CYRIB: variants seen among roughly 807,000 people sequenced by gnomAD.
CYRIB encodes CYFIP-related Rac1 interactor B.
Under a neutral mutation model 44.2 loss-of-function variants are expected in CYRIB, and 8 were observed. That is an observed-to-expected ratio of 0.18 (90% confidence interval 0.11 to 0.33). CYRIB has a LOEUF of 0.33. Among genes scored for constraint, CYRIB ranks in the 10% least tolerant of loss-of-function variants. CYRIB has a pLI of 1.00. For missense variants in CYRIB, 185 were observed against 382.8 expected, an observed-to-expected ratio of 0.48 and a Z score of 4.31; for synonymous variants, 131 against 127.2, an observed-to-expected ratio of 1.03 and a Z score of -0.20.
chr8:129,995,588 A>G (rs2096746725), intron 1 of CYRIB, among the ~76,000 whole-genome samples: 1 of 152,204 alleles, frequency 6.6e-6, no homozygotes, highest in African/African-American at 2.4e-5. Context: ...CCTGACCACA[A>G]GCTCAGTAAG....
chr8:129,854,806 G>A (rs773936013), intron 6 of CYRIB, among the ~76,000 whole-genome samples: 5 of 152,170 alleles, frequency 3.3e-5, no homozygotes, highest in African/African-American at 1.2e-4. Flanking sequence ...AAAAATCAAA[G>A]GACGTGCCCA....
chr8:129,930,379 A>ATATATATATATATT (rs971468534), intron 1 of CYRIB, among the ~76,000 whole-genome samples: 2 of 130,134 alleles, frequency 1.5e-5, no homozygotes, highest in African/African-American at 5.7e-5. Context: ...ATATATATAT[A>ATATATATATATATT]TTTTAATTAT....
chr8:129,882,467 A>G (rs1319039909), intron 2 of CYRIB, among the ~76,000 whole-genome samples: 1 of 152,250 alleles, frequency 6.6e-6, no homozygotes, highest in Non-Finnish European at 1.5e-5. Context: ...TTTTAAAAGT[A>G]ATAATGGCTC....
intron 2 of CYRIB, among the ~76,000 whole-genome samples, chr8:129,888,771 T>C (rs918527542): frequency 1.3e-5 from 2 of 152,160 alleles, no homozygotes; most frequent in African/African-American, 4.8e-5. Flanking sequence ...TTGGTATTCA[T>C]TAAGTATTTG....
intron 2 of CYRIB, among the ~76,000 whole-genome samples, chr8:129,959,290 C>A (rs574917990): frequency 1.4e-3 from 211 of 152,074 alleles, no homozygotes; most frequent in African/African-American, 4.9e-3. Flanking sequence ...CTACTTGCTT[C>A]CTAGGTGTGT....
At chr8:129,997,586 G>A (rs1030554119) in intron 1 of CYRIB, among the ~76,000 whole-genome samples, 1 of 152,192 alleles carries the variant, frequency 6.6e-6, no homozygotes, top group African/African-American at 2.4e-5. Flanking sequence ...GCTTCCAGGG[G>A]AAAATGTAAA....
intron 2 of CYRIB, among the ~76,000 whole-genome samples, chr8:129,960,182 A>G (rs2095156488): frequency 6.6e-6 from 1 of 152,244 alleles, no homozygotes; most frequent in Non-Finnish European, 1.5e-5. Flanking sequence ...TATTTAACTC[A>G]GACTTTAAGT....
chr8:129,859,944 CA>C (rs2048466122), intron 5 of CYRIB, among the ~76,000 whole-genome samples: 5 of 152,316 alleles, frequency 3.3e-5, no homozygotes, highest in Admixed American at 3.3e-4. Flanking sequence ...ACCCTGTCAG[CA>C]AAACTGAGTA....
intron 4 of CYRIB, 141 bp from the exon 7 acceptor site, chr8:129,862,475 A>AT: frequency 2.8e-6 from 2 of 723,382 alleles, no homozygotes; most frequent in Admixed American, 2.9e-5. Context: ...GGAGTGTTGA[A>AT]TATTTTTTTT....
At chr8:129,907,929 G>T (rs2076262637) in intron 1 of CYRIB, among the ~76,000 whole-genome samples, 1 of 152,184 alleles carries the variant, frequency 6.6e-6, no homozygotes, top group African/African-American at 2.4e-5. Flanking sequence ...CTGAACCTGG[G>T]AGGCAGAGAT....
chr8:129,935,543 C>T (rs1428294028), intron 1 of CYRIB, among the ~76,000 whole-genome samples: 1 of 152,230 alleles, frequency 6.6e-6, no homozygotes, highest in African/African-American at 2.4e-5. Flanking sequence ...TAATGCCGCT[C>T]ACCTCCTGTG....
intron 5 of CYRIB, among the ~76,000 whole-genome samples, chr8:129,861,021 T>C (rs1311262169): frequency 6.6e-6 from 1 of 152,222 alleles, no homozygotes; most frequent in Admixed American, 6.5e-5. Flanking sequence ...ATATACCCCC[T>C]GGTTTCTGGC....
intron 1 of CYRIB, among the ~76,000 whole-genome samples, chr8:130,006,607 C>CACAT (rs1359122569): frequency 5.6e-4 from 4 of 7,120 alleles, no homozygotes; most frequent in African/African-American, 1.6e-3. Context: ...TATATATATA[C>CACAT]ATATATATGT....
intron 2 of CYRIB, chr8:129,896,938 T>C (rs1476399039): frequency 2.6e-5 from 4 of 152,240 alleles, no homozygotes; most frequent in African/African-American, 4.8e-5. Flanking sequence ...CTGAAATGGA[T>C]AAGAGATTCT....
At chr8:129,893,580 A>G (rs1286039014) in intron 2 of CYRIB, among the ~76,000 whole-genome samples, 1 of 152,248 alleles carries the variant, frequency 6.6e-6, no homozygotes, top group African/African-American at 2.4e-5. Flanking sequence ...GATTAAAACT[A>G]TAACAATTTA....
chr8:129,990,171 A>C lies in CYRIB; in HGVS notation c.-295-19176T>G, dbSNP rs564313878. On this transcript the variant is annotated intron_variant, in intron 1 of 14. Coordinates refer to the CYRIB transcript ENST00000401979. ...CTGTGCTCTCCCTGGTGCCCAGCAC[A>C]GTGTGGGCACCAAGTAGGTGCTCCA... 2.6e-5 allele frequency among the ~76,000 whole-genome samples: 4 copies of C among 152,294 alleles called. No individual in the cohort carries two copies. The East Asian group carries it at 7.7e-4, about 29-fold the overall frequency.
intron 1 of CYRIB, among the ~76,000 whole-genome samples, chr8:129,918,613 C>T (rs996398985): frequency 6.6e-6 from 1 of 152,132 alleles, no homozygotes; most frequent in African/African-American, 2.4e-5. Flanking sequence ...TCTCTGTAGG[C>T]CTCACAGCAC....
At chr8:129,847,505 T>C (rs567763190) in intron 10 of CYRIB, among the ~76,000 whole-genome samples, 106 of 152,188 alleles carry the variant, frequency 7.0e-4, no homozygotes, top group African/African-American at 2.4e-3. Context: ...AGAATGAGTA[T>C]GTTACTAAGG....
chr8:129,875,878 C>G (rs1342321704), intron 3 of CYRIB, among the ~76,000 whole-genome samples: 2 of 152,126 alleles, frequency 1.3e-5, no homozygotes, highest in Non-Finnish European at 2.9e-5. Flanking sequence ...CTTTGGGAGG[C>G]TGAGGCAGGT....
Sources: allele counts gnomAD v4.1 joint callset (sites outside exome capture counted in the v4.1 genomes callset), GRCh38; gene constraint gnomAD v4.1.1; transcripts MANE v1.5; gene names NCBI Gene and HGNC (gene_info 2026-07-23, HGNC 2026-07-21).